CEACAM6: variants seen among roughly 807,000 people sequenced by gnomAD.
CEACAM6 encodes the protein cell adhesion molecule CEACAM6.
A neutral mutation model predicts 32.4 loss-of-function variants in CEACAM6; 21 were observed. The observed-to-expected ratio is 0.65, with a 90% CI of 0.46 to 0.93. CEACAM6 has a LOEUF of 0.93. Among genes scored for constraint, CEACAM6 ranks in the 40% least tolerant of loss-of-function variants. CEACAM6 has a pLI of 0.00. For synonymous variants in CEACAM6, 184 were observed against 174.4 expected, an observed-to-expected ratio of 1.06 and a Z score of -0.43; for missense variants, 406 against 432.2, an observed-to-expected ratio of 0.94 and a Z score of 0.54.
At chr19:41,762,262 G>T (rs1188323615) in intron 4 of CEACAM6, 39 bp downstream of exon 4, 1 of 1,595,006 alleles carries the variant, frequency 6.3e-7, no homozygotes, top group African/African-American at 1.3e-5. Flanking sequence ...ACATTTTCAG[G>T]TGGAGTCTGG....
intron 4 of CEACAM6, 92 bp from the exon 5 acceptor site, chr19:41,766,091 C>A: frequency 1.2e-6 from 1 of 810,932 alleles, no homozygotes; most frequent in Admixed American, 2.8e-5. Context: ...CTTGAAGGAA[C>A]AAGTCAAGCC....
chr19:41,766,602 A>G (rs1391881675), intron 5 of CEACAM6, among the ~76,000 whole-genome samples: 2 of 152,058 alleles, frequency 1.3e-5, no homozygotes, highest in Non-Finnish European at 2.9e-5. Context: ...ATTCCCATCA[A>G]CCTCAATAAT....
chr19:41,766,105 T>C, intron 4 of CEACAM6, 78 bp from the exon 5 acceptor site: 2 of 997,882 alleles, frequency 2.0e-6, no homozygotes. Context: ...TCAAGCCTAC[T>C]TCATGTTGAC....
chr19:41,755,691 T>A lies in CEACAM6; in HGVS notation c.53T>A (p.Val18Asp). ...AGATTGCATGTCCCCTGGAAGGAGG[T>A]CCTGCTCACAGGTGAGGGGAGGACT... Reference protein sequence around the residue: ...PCRLHVPWKEVLLTASLLTFW... With the variant: ...PCRLHVPWKEDLLTASLLTFW... The change falls in exon 1 of 6, where the codon GTC (valine) becomes GAC (aspartate). Residue 18 changes from valine (V) to aspartate (D), a missense_variant. Val to Asp is a radical substitution (Grantham distance 152). Coordinates refer to ENST00000199764, the MANE Select transcript of CEACAM6 (RefSeq NM_002483.7). The A allele has an allele frequency of 6.2e-7, 1 of 1,604,114 alleles. No individual in the cohort carries two copies. Among genetic ancestry groups the A allele is most frequent in the Non-Finnish European group, 8.5e-7 (1 of 1,176,030 alleles).
In CEACAM6 at chr19:41,760,317, T is replaced by A. The variant is rs185028877; in HGVS notation, c.425-932T>A. ...GCATAATGTCCAATGGGAGAAAATA[T>A]TTGCAAAACTTCTCCTCAAATTTCT... On this transcript the variant is annotated intron_variant, in intron 2 of 5. Transcript: ENST00000199764. Among the ~76,000 whole-genome samples the A allele has an allele frequency of 5.9e-5, 9 of 152,316 alleles. No homozygotes were observed. The East Asian group carries it at 1.3e-3, about 23-fold the overall frequency.
At chr19:41,762,604 A>C (rs903614326) in intron 4 of CEACAM6, among the ~76,000 whole-genome samples, 3 of 151,556 alleles carry the variant, frequency 2.0e-5, no homozygotes, top group African/African-American at 4.9e-5. Flanking sequence ...TCTTTTACCT[A>C]CTCCATAAGC....
chr19:41,761,389 C>T lies in CEACAM6; in HGVS notation c.565C>T (p.Pro189Ser). ...AAATGGTCAGAGCCTCCCGGTCAGT[C>T]CCAGGCTGCAGCTGTCCAATGGCAA... Reference protein sequence around the residue: ...WVNGQSLPVSPRLQLSNGNMT... With the variant: ...WVNGQSLPVSSRLQLSNGNMT... The change falls in exon 3 of 6, where the codon CCC becomes TCC. Residue 189 changes from proline to serine, a missense_variant. By Grantham distance (74) the Pro-to-Ser change is moderately conservative. Coordinates refer to ENST00000199764, the MANE Select transcript of CEACAM6 (RefSeq NM_002483.7). The T allele has an allele frequency of 1.2e-6, 2 of 1,614,170 alleles. No individual in the cohort carries two copies. The highest frequency in any genetic ancestry group is 1.7e-6 in the Non-Finnish European group (2 of 1,180,032).
intron 5 of CEACAM6, among the ~76,000 whole-genome samples, chr19:41,768,250 T>C (rs1455868870): frequency 4.6e-5 from 7 of 152,192 alleles, no homozygotes; most frequent in African/African-American, 1.7e-4. Context: ...CCTGCGGCCT[T>C]CCGCAGTGTT....
intron 3 of CEACAM6, 76 bp from the exon 4 acceptor site, chr19:41,761,893 C>T (rs941273895): frequency 1.9e-5 from 29 of 1,553,408 alleles, no homozygotes; most frequent in African/African-American, 5.4e-5. Context: ...AGGGGGACAC[C>T]GTGGCCCTTC....
At chr19:41,770,149 C>A (rs1183285040) in intron 5 of CEACAM6, among the ~76,000 whole-genome samples, 7 of 150,744 alleles carry the variant, frequency 4.6e-5, no homozygotes, top group Non-Finnish European at 7.4e-5. Context: ...CAGTAGCTCA[C>A]GTCGATAATC....
At chr19:41,764,725 T>G (rs1340517568) in intron 4 of CEACAM6, among the ~76,000 whole-genome samples, 1 of 152,252 alleles carries the variant, frequency 6.6e-6, no homozygotes, top group Non-Finnish European at 1.5e-5. Flanking sequence ...TTTTATAGCC[T>G]CCATTTTATT....
At chr19:41,755,772 G>A in intron 1 of CEACAM6, 70 bp downstream of exon 1, 3 of 1,357,494 alleles carry the variant, frequency 2.2e-6, no homozygotes, top group Non-Finnish European at 3.0e-6. Context: ...CTCCTGGGGA[G>A]GACAAGGCTC....
rs1555821113 is a variant in CEACAM6, at chr19:41,756,702, A to C, written c.167A>C (p.His56Pro). The change falls in exon 2 of 6, where the codon CAC becomes CCC. Residue 56 changes from histidine (H) to proline (P), a missense_variant. Physicochemically the swap from His to Pro is moderately conservative, Grantham distance 77. Coordinates refer to ENST00000199764, the MANE Select transcript of CEACAM6 (RefSeq NM_002483.7). ...GGGAAGGAGGTTCTTCTACTCGCCCACAACCTGCCCCAGAATCGTATTGGT... is the reference window on the plus strand; with the variant it reads ...GGGAAGGAGGTTCTTCTACTCGCCCCCAACCTGCCCCAGAATCGTATTGGT... Reference protein sequence around the residue: ...AEGKEVLLLAHNLPQNRIGYS... With the variant: ...AEGKEVLLLAPNLPQNRIGYS... 1 of 1,614,146 alleles carries C rather than the reference A, an allele frequency of 6.2e-7. No individual in the cohort carries two copies. The highest frequency in any genetic ancestry group is 1.1e-5 in the South Asian group (1 of 91,074).
At position 41,761,972 on chromosome 19, in the gene CEACAM6, G is replaced by T. The variant is rs2072927466; in HGVS notation, c.707G>T (p.Gly236Val). 6.2e-7 allele frequency: 1 copy of T among 1,613,714 alleles called. No individual in the cohort carries two copies. Among genetic ancestry groups the T allele is most frequent in the Admixed American group, 1.7e-5 (1 of 59,996 alleles). ...SDPVTLNVLY[G>V]PDVPTISPSK... is the part of the protein sequence containing the mutation. Reference sequence around the variant, plus strand: ...GGCTTTATTCTGTTTCCTCCAGATGGCCCAGATGTCCCCACCATTTCCCCC... The same window carrying T: ...GGCTTTATTCTGTTTCCTCCAGATGTCCCAGATGTCCCCACCATTTCCCCC... The change falls in exon 4 of 6, where the codon GGC (glycine) becomes GTC (valine). Residue 236 changes from glycine (G) to valine (V), a missense_variant. Transcript: ENST00000199764.
rs1555820902 is a variant in CEACAM6 at position 41,755,643 on chromosome 19, G to T, written c.5G>T (p.Gly2Val). 1.9e-6 allele frequency: 3 copies of T among 1,611,538 alleles called. No homozygotes were observed. Among genetic ancestry groups the T allele is most frequent in the Non-Finnish European group, 2.5e-6 (3 of 1,178,866 alleles). Residue 2 changes from glycine to valine, a missense_variant, in exon 1 of 6, where the codon GGA becomes GTA. Transcript: ENST00000199764. M[G>V]PPSAPPCRLH... ...ACAGAGAAGACAGCAGAGACCATGG[G>T]ACCCCCCTCAGCCCCTCCCTGCAGA...
At chr19:41,761,902 T>G (rs2072926958) in intron 3 of CEACAM6, 67 bp from the exon 4 acceptor site, 3 of 1,583,080 alleles carry the variant, frequency 1.9e-6, no homozygotes, top group Non-Finnish European at 2.6e-6. Context: ...CCGTGGCCCT[T>G]CCACAGACCA....
intron 2 of CEACAM6, chr19:41,758,193 A>G (rs1172342689): frequency 1.3e-5 from 2 of 152,342 alleles, no homozygotes; most frequent in African/African-American, 4.8e-5. Context: ...CCTTCGATCC[A>G]CAGTCCCCTC....
intron 3 of CEACAM6, 137 bp from the exon 4 acceptor site, chr19:41,761,832 C>A: frequency 8.6e-7 from 1 of 1,161,276 alleles, no homozygotes; most frequent in Non-Finnish European, 1.2e-6. Context: ...GACTTTGGCT[C>A]AGGGGACATA....
Position 41,762,069 on chromosome 19 carries a change from G to A in CEACAM6, c.804G>A (p.Gln268=), listed in dbSNP as rs1386097010. 3 of 1,614,180 alleles carry A rather than the reference G, an allele frequency of 1.9e-6. No homozygotes were observed. Among genetic ancestry groups the A allele is most frequent in the African/African-American group, 2.7e-5 (2 of 75,034 alleles). The change falls in exon 4 of 6, where the codon CAG becomes CAA. Residue 268 remains glutamine, a synonymous_variant. Coordinates refer to ENST00000199764, the MANE Select transcript of CEACAM6 (RefSeq NM_002483.7). ...ACGCAGCCTCTAACCCACCTGCACA[G>A]TACTCTTGGTTTATCAATGGGACGT... ...SCHAASNPPA[Q]YSWFINGTFQ...
Sources: gnomAD v4.1 joint callset for allele counts (sites outside exome capture counted in the v4.1 genomes callset) on GRCh38, gnomAD v4.1.1 for gene constraint, MANE v1.5 for transcripts, NCBI Gene and HGNC (gene_info 2026-07-23, HGNC 2026-07-21) for gene names.